Variants in F5 observed in about 807,000 individuals in gnomAD.
F5 encodes activated protein c cofactor.
F5 carries 138 observed loss-of-function variants against 216.4 expected under a neutral mutation model. That is an observed-to-expected ratio of 0.64 (90% CI 0.56 to 0.73). The LOEUF (loss-of-function observed/expected upper bound fraction) is 0.73. Among genes scored for constraint, F5 ranks in the 30% least tolerant of loss-of-function variants. F5 has a pLI of 0.00. For missense variants in F5, 2,403 were observed against 2,674.0 expected (o/e 0.90, Z 2.24); for synonymous variants, 916 against 930.7 (o/e 0.98, Z 0.29).
chr1:169,535,474 A>G (rs1343021299), intron 14 of F5, among the ~76,000 whole-genome samples: 1 of 152,160 alleles, frequency 6.6e-6, no homozygotes, highest in Non-Finnish European at 1.5e-5. Flanking sequence ...CTAGGATTTT[A>G]GTGTACCTGT....
At chr1:169,527,889 A>C in intron 17 of F5, 26 bp downstream of exon 17, 1 of 1,612,036 alleles carries the variant, frequency 6.2e-7, no homozygotes, top group Non-Finnish European at 8.5e-7. Flanking sequence ...CTTAGCAGGG[A>C]CCTCTTCCCA....
intron 13 of F5, among the ~76,000 whole-genome samples, chr1:169,538,595 CA>C (rs899188524): frequency 6.6e-6 from 1 of 151,922 alleles, no homozygotes; most frequent in African/African-American, 2.4e-5. Context: ...ACAACAACAA[CA>C]AAAAAACTGG....
rs1008025719 is a variant in F5 at position 169,514,305 on chromosome 1, G to A, written c.*8C>T. 1 of 1,612,938 alleles carries A rather than the reference G, an allele frequency of 6.2e-7. No individual in the cohort carries two copies. The highest frequency in any genetic ancestry group is 8.5e-7 in the Non-Finnish European group (1 of 1,179,272). On this transcript the variant is annotated 3_prime_UTR_variant, in exon 25 of 25. Transcript: ENST00000367797. ...GAGTCTCTTCCAGGGGTTTTTGAATGTTCAATTCTAGTAAATATCACAGCC... is the reference window on the plus strand; with the variant it reads ...GAGTCTCTTCCAGGGGTTTTTGAATATTCAATTCTAGTAAATATCACAGCC...
intron 2 of F5, among the ~76,000 whole-genome samples, chr1:169,574,608 T>A (rs1660801564): frequency 6.6e-6 from 1 of 152,350 alleles, no homozygotes; most frequent in East Asian, 1.9e-4. Context: ...TTTCCTGTAC[T>A]GTTTCCCTTA....
intron 3 of F5, among the ~76,000 whole-genome samples, chr1:169,570,240 A>G (rs1660693091): frequency 6.6e-6 from 1 of 152,134 alleles, no homozygotes; most frequent in African/African-American, 2.4e-5. Flanking sequence ...ACAGTAAAGG[A>G]AGAGGGATAG....
chr1:169,579,410 C>T (rs564108588), intron 2 of F5, among the ~76,000 whole-genome samples: 2 of 152,280 alleles, frequency 1.3e-5, no homozygotes, highest in South Asian at 4.1e-4. Context: ...AGTTCACACC[C>T]TCTAAATTCT....
Position 169,536,494 on chromosome 1 carries a change from CA to C in F5, c.4971+11del. On this transcript the variant is annotated intron_variant, in intron 14 of 24. Coordinates refer to ENST00000367797, the MANE Select transcript of F5 (RefSeq NM_000130.5). ...TTCCTCCGAAGATCTTAGCAGTGCT[CA>C]AAAGACTTACTTGGATAACATCATC... is the stretch of plus-strand genomic sequence containing the variant. 1.2e-6 allele frequency: 2 copies of C among 1,612,350 alleles called. No homozygotes were observed. The highest frequency in any genetic ancestry group is 1.7e-4 in the Middle Eastern group (1 of 6,052).
chr1:169,573,190 C>A (rs1447339633), intron 2 of F5, among the ~76,000 whole-genome samples: 1 of 152,066 alleles, frequency 6.6e-6, no homozygotes, highest in South Asian at 2.1e-4. Flanking sequence ...TCAGGTGATA[C>A]ACCCGCCTCA....
intron 6 of F5, among the ~76,000 whole-genome samples, chr1:169,556,442 C>CAAAACAAAA (rs1660331919): frequency 2.1e-4 from 2 of 9,650 alleles, no homozygotes; most frequent in African/African-American, 8.2e-4. Context: ...AAAAAAAAAA[C>CAAAACAAAA]CTTTGCCAAT....
In F5 at chr1:169,552,563, T is replaced by A; in HGVS notation, c.1290A>T (p.Thr430=). The A allele has an allele frequency of 6.2e-7, 1 of 1,612,994 alleles. No individual in the cohort carries two copies. Among genetic ancestry groups the A allele is most frequent in the Non-Finnish European group, 8.5e-7 (1 of 1,179,136 alleles). Residue 430 remains threonine, a synonymous_variant, in exon 8 of 25, where the codon ACA becomes ACT. Transcript: ENST00000367797. ...GPIIRAQVRD[T]LKIVFKNMAS... ...CTGTATTTGTGTTACTTACTTTGAG[T>A]GTGTCTCTGACCTGGGCTCTGATAA... is the stretch of plus-strand genomic sequence containing the variant.
Position 169,541,239 on chromosome 1 carries a change from G to A in F5, c.3851C>T (p.Thr1284Ile), listed in dbSNP as rs139573207. ...MPLSPDLSHT[T>I]LSLDFSQTNL... is the part of the protein sequence containing the mutation. ...TGTCTGGCTGAAGTCTAGAGAAAGG[G>A]TTGTATGGCTGAGGTCTGGAGAAAG... The change falls in exon 13 of 25, where the codon ACC becomes ATC. Residue 1284 changes from threonine to isoleucine, a missense_variant. Thr to Ile is a moderately conservative substitution (Grantham distance 89, BLOSUM62 -1). Around this residue, in one of 4 missense-constraint regions of F5, gnomAD observed 1,425 missense variants for 1,554.8 expected, o/e 0.92. Transcript: ENST00000367797. 2.4e-4 allele frequency: 374 copies of A among 1,590,754 alleles called. 1 individual carries two copies. In the African/African-American group the frequency reaches 4.7e-3, roughly 20 times the overall value.
At chr1:169,517,669 T>A (rs911825957) in intron 23 of F5, among the ~76,000 whole-genome samples, 6 of 152,160 alleles carry the variant, frequency 3.9e-5, no homozygotes, top group African/African-American at 1.4e-4. Flanking sequence ...AATTACTCAG[T>A]GGGCTAATAT....
chr1:169,522,547 A>G (rs1285593623), intron 21 of F5, among the ~76,000 whole-genome samples: 1 of 152,152 alleles, frequency 6.6e-6, no homozygotes, highest in Non-Finnish European at 1.5e-5. Flanking sequence ...GTAACTAATA[A>G]ACAGTAAATA....
chr1:169,530,397 G>A (rs1472968100), intron 15 of F5, among the ~76,000 whole-genome samples: 1 of 152,094 alleles, frequency 6.6e-6, no homozygotes, highest in Non-Finnish European at 1.5e-5. Flanking sequence ...ATATTGTTTT[G>A]AAGTATATAT....
chr1:169,567,894 T>C (rs1012555092), intron 3 of F5, among the ~76,000 whole-genome samples: 1 of 152,106 alleles, frequency 6.6e-6, no homozygotes, highest in Non-Finnish European at 1.5e-5. Flanking sequence ...ACTGTCAATC[T>C]GGAATGAGAA....
chr1:169,521,724 G>A (rs1235453362), intron 21 of F5, among the ~76,000 whole-genome samples: 1 of 144,220 alleles, frequency 6.9e-6, no homozygotes, highest in Non-Finnish European at 1.5e-5. Context: ...GGATTCAAGC[G>A]ATACTCCTGC....
In F5 at chr1:169,584,370, A is replaced by G. The variant is rs571367615; in HGVS notation, c.159-1848T>C. ...AGGATTGTTTAAAGATGATTTGTTC[A>G]TAATCACAAAATCATATAAAGCTAG... On this transcript the variant is annotated intron_variant, in intron 1 of 24. Transcript: ENST00000367797. 2.0e-5 allele frequency among the ~76,000 whole-genome samples: 3 copies of G among 152,364 alleles called. No individual in the cohort carries two copies. The East Asian group carries it at 5.8e-4, about 29-fold the overall frequency.
Position 169,572,293 on chromosome 1 carries a change from G to C in F5, c.301C>G (p.His101Asp), listed in dbSNP as rs1436365896. 6.2e-7 allele frequency: 1 copy of C among 1,613,204 alleles called. No homozygotes were observed. The highest frequency in any genetic ancestry group is 8.5e-7 in the Non-Finnish European group (1 of 1,179,602). ...YAEVGDIIKV[H>D]FKNKADKPLS... is the part of the protein sequence containing the mutation. ...GGCTTATCTGCCTTATTTTTAAAGT[G>C]AACTTTTATGATGTCTCCGACTTCA... The change falls in exon 3 of 25, where the codon CAC (histidine) becomes GAC (aspartate). Residue 101 changes from histidine (H) to aspartate (D), a missense_variant. Coordinates refer to ENST00000367797, the MANE Select transcript of F5 (RefSeq NM_000130.5).
chr1:169,573,387 A>G (rs1223253079), intron 2 of F5, among the ~76,000 whole-genome samples: 1 of 151,990 alleles, frequency 6.6e-6, no homozygotes, highest in African/African-American at 2.4e-5. Flanking sequence ...TGTAGGGACA[A>G]GAATGGAAGC....
Sources: gnomAD v4.1 joint callset for allele counts (sites outside exome capture counted in the v4.1 genomes callset) on GRCh38, gnomAD v4.1.1 for gene constraint, gnomAD v4.1.1 regional missense constraint, MANE v1.5 for transcripts, NCBI Gene and HGNC (gene_info 2026-07-23, HGNC 2026-07-21) for gene names.